ANKRD7: variants seen among roughly 807,000 people sequenced by gnomAD.
ANKRD7 encodes the protein ankyrin repeat domain-containing protein 7.
A neutral mutation model predicts 30.8 loss-of-function variants in ANKRD7; 30 were observed. That is an observed-to-expected ratio of 0.97 (90% confidence interval 0.73 to 1.32). The LOEUF is 1.32. Among genes scored for constraint, ANKRD7 ranks in the 40% most tolerant of loss-of-function variants. The pLI is 0.00. For synonymous variants in ANKRD7, 97 were observed against 106.6 expected (o/e 0.91, Z 0.55); for missense variants, 264 against 295.7 (o/e 0.89, Z 0.79).
At chr7:118,225,545 C>T (rs529281037) in intron 1 of ANKRD7, among the ~76,000 whole-genome samples, 84 of 152,046 alleles carry the variant, frequency 5.5e-4, no homozygotes, top group African/African-American at 1.9e-3. Context: ...AATCCATCCT[C>T]TCCTCTGACT....
chr7:118,226,866 T>C (rs898831381), intron 1 of ANKRD7, among the ~76,000 whole-genome samples: 3 of 152,216 alleles, frequency 2.0e-5, no homozygotes, highest in African/African-American at 7.2e-5. Context: ...TATGTATAAG[T>C]GAACCTACAC....
chr7:118,226,218 G>C (rs1293506134), intron 1 of ANKRD7, among the ~76,000 whole-genome samples: 1 of 152,182 alleles, frequency 6.6e-6, no homozygotes, highest in Non-Finnish European at 1.5e-5. Flanking sequence ...GCTCTGTCTT[G>C]GCATACTTGA....
Position 118,239,963 on chromosome 7 carries a change from C to T in ANKRD7, c.*2C>T, listed in dbSNP as rs748469940. 3.1e-6 allele frequency: 5 copies of T among 1,588,608 alleles called. No individual in the cohort carries two copies. Among genetic ancestry groups the T allele is most frequent in the South Asian group, 2.3e-5 (2 of 86,604 alleles). Reference sequence around the variant, plus strand: ...GGAAAGAAGAAACATGCTAAATAGACACCTTATTCTTGGCACTACATGTGA... The same window carrying T: ...GGAAAGAAGAAACATGCTAAATAGATACCTTATTCTTGGCACTACATGTGA... On this transcript the variant is annotated 3_prime_UTR_variant, in exon 6 of 7. Coordinates refer to ENST00000265224, the MANE Select transcript of ANKRD7 (RefSeq NM_019644.4).
chr7:118,226,958 T>C (rs1809553975), intron 1 of ANKRD7, among the ~76,000 whole-genome samples: 1 of 152,174 alleles, frequency 6.6e-6, no homozygotes, highest in Non-Finnish European at 1.5e-5. Context: ...ATTACAGAGC[T>C]TAATCTATTT....
At chr7:118,229,781 A>G (rs1246709821) in intron 1 of ANKRD7, among the ~76,000 whole-genome samples, 1 of 152,114 alleles carries the variant, frequency 6.6e-6, no homozygotes, top group Non-Finnish European at 1.5e-5. Context: ...GAAATCATCA[A>G]CAAAATACTA....
chr7:118,239,270 C>T (rs1584726944), intron 5 of ANKRD7, among the ~76,000 whole-genome samples: 1 of 152,194 alleles, frequency 6.6e-6, no homozygotes, highest in African/African-American at 2.4e-5. Flanking sequence ...CACAAACCCT[C>T]TTGTGAACCG....
At chr7:118,240,271 C>T (rs1809806328) in intron 6 of ANKRD7, among the ~76,000 whole-genome samples, 1 of 152,084 alleles carries the variant, frequency 6.6e-6, no homozygotes, top group Admixed American at 6.5e-5. Context: ...ACTAACTCGT[C>T]ATCTAGCATT....
rs1562870634 is a variant in ANKRD7, at chr7:118,224,745, C to T, written c.-86C>T. 1.4e-5 allele frequency: 21 copies of T among 1,523,528 alleles called. No individual in the cohort carries two copies. The highest frequency in any genetic ancestry group is 2.7e-5 in the South Asian group (2 of 74,906). The allele number at this position is 1,523,528 out of a possible 1,614,324, so 94.4% of individuals were successfully genotyped here. On this transcript the variant is annotated 5_prime_UTR_variant, in exon 1 of 7. Coordinates refer to ENST00000265224, the MANE Select transcript of ANKRD7 (RefSeq NM_019644.4). Reference sequence around the variant, plus strand: ...TCAGGTACTGGAGAGGGCTGCCGGCCGGATGCCAGGGCAGAGGGGCAGGGC... The same window carrying T: ...TCAGGTACTGGAGAGGGCTGCCGGCTGGATGCCAGGGCAGAGGGGCAGGGC...
At chr7:118,233,620 C>A (rs1465777863) in intron 1 of ANKRD7, among the ~76,000 whole-genome samples, 1 of 151,884 alleles carries the variant, frequency 6.6e-6, no homozygotes, top group African/African-American at 2.4e-5. Context: ...TATTTAGGTA[C>A]CCATAGAGTA....
chr7:118,227,909 T>TC, intron 1 of ANKRD7: 2 of 1,299,320 alleles, frequency 1.5e-6, no homozygotes, highest in South Asian at 2.4e-5. Context: ...ATTATGTCTT[T>TC]TTTTTTTTTT....
rs781336489 is a variant in ANKRD7, at chr7:118,224,796, C to T, written c.-35C>T. 2 of 1,591,396 alleles carry T rather than the reference C, an allele frequency of 1.3e-6. No homozygotes were observed. The highest frequency in any genetic ancestry group is 1.7e-6 in the Non-Finnish European group (2 of 1,171,502). On this transcript the variant is annotated 5_prime_UTR_variant, in exon 1 of 7. Coordinates refer to ENST00000265224, the MANE Select transcript of ANKRD7 (RefSeq NM_019644.4). The stretch of plus-strand genomic sequence containing the variant: ...GGACGGCTAGGAGTTCAAGAAACAT[C>T]CTGGTCTGAGGGAAAGGCTGCAGCC...
At chr7:118,226,192 A>T (rs967977234) in intron 1 of ANKRD7, among the ~76,000 whole-genome samples, 10 of 152,244 alleles carry the variant, frequency 6.6e-5, no homozygotes, top group Non-Finnish European at 1.3e-4. Context: ...TAGCTTTATA[A>T]CAAGTGTAGT....
chr7:118,236,210 A>ATGTGTG (rs3993811), intron 4 of ANKRD7, 63 bp downstream of exon 4: 177,039 of 600,856 alleles, frequency 0.29, 15,430 homozygotes, highest in Non-Finnish European at 0.31. Context: ...GTGTGTGCGT[A>ATGTGTG]TGTGTGTGTG....
Position 118,236,790 on chromosome 7 carries a change from A to G in ANKRD7, c.576A>G (p.Arg192=). The G allele has an allele frequency of 6.2e-7, 1 of 1,613,284 alleles. No homozygotes were observed. The highest frequency in any genetic ancestry group is 1.7e-4 in the Middle Eastern group (1 of 6,054). The change falls in exon 5 of 7, where the codon AGA becomes AGG. Residue 192 remains arginine (R), a splice_region_variant and synonymous_variant. Coordinates refer to ENST00000265224, the MANE Select transcript of ANKRD7 (RefSeq NM_019644.4). ...ADVNASDNYQ[R]TALILAVSGE... ...CATTCATTTCTATCTCTTGCTCCAG[A>G]ACAGCCCTTATTCTTGCTGTCAGTG...
At chr7:118,238,912 A>G (rs910719378) in intron 5 of ANKRD7, among the ~76,000 whole-genome samples, 5 of 152,134 alleles carry the variant, frequency 3.3e-5, no homozygotes, top group Admixed American at 2.6e-4. Flanking sequence ...GAATGTGACC[A>G]TTTTTGGAGA....
At chr7:118,230,550 A>G (rs1049596322) in intron 1 of ANKRD7, among the ~76,000 whole-genome samples, 7 of 152,088 alleles carry the variant, frequency 4.6e-5, no homozygotes, top group African/African-American at 1.7e-4. Flanking sequence ...AAATTCATAA[A>G]GTTGTACACT....
chr7:118,238,153 A>T (rs1214868879), intron 5 of ANKRD7, among the ~76,000 whole-genome samples: 4 of 152,166 alleles, frequency 2.6e-5, no homozygotes, highest in Admixed American at 1.3e-4. Flanking sequence ...ATCTTCCTTT[A>T]TCTCCCCCAA....
At chr7:118,239,824 G>A in intron 5 of ANKRD7, 85 bp from the exon 6 acceptor site, 4 of 798,746 alleles carry the variant, frequency 5.0e-6, no homozygotes, top group South Asian at 2.5e-5. Flanking sequence ...AGCATTGGCT[G>A]GTACCTAAGG....
intron 1 of ANKRD7, among the ~76,000 whole-genome samples, chr7:118,230,441 G>A (rs771990685): frequency 2.4e-4 from 37 of 151,870 alleles, no homozygotes; most frequent in African/African-American, 8.9e-4. Flanking sequence ...AAAAAAAAAG[G>A]ATAGTGACAT....
Sources: allele counts gnomAD v4.1 joint callset (sites outside exome capture counted in the v4.1 genomes callset), GRCh38; gene constraint gnomAD v4.1.1; transcripts MANE v1.5; gene names NCBI Gene and HGNC (gene_info 2026-07-23, HGNC 2026-07-21).